Variants in RAB6B observed in about 807,000 individuals in gnomAD.
The protein encoded by RAB6B is RAB6B, member RAS oncogene family.
Under a neutral mutation model 31.2 loss-of-function variants are expected in RAB6B, and 7 were observed. That is an observed-to-expected ratio of 0.22 (90% CI 0.13 to 0.42). The LOEUF is 0.42. Among genes scored for constraint, RAB6B ranks in the 10% least tolerant of loss-of-function variants. The pLI is 1.00. For synonymous variants in RAB6B, 105 were observed against 104.9 expected, an observed-to-expected ratio of 1.00 and a Z score of -0.01; for missense variants, 149 against 280.6, an observed-to-expected ratio of 0.53 and a Z score of 3.35.
intron 2 of RAB6B, among the ~76,000 whole-genome samples, chr3:133,845,407 G>A (rs1395471668): frequency 6.6e-6 from 1 of 152,196 alleles, no homozygotes; most frequent in Non-Finnish European, 1.5e-5. Context: ...CACCACTGAG[G>A]ACACAGCATA....
intron 1 of RAB6B, among the ~76,000 whole-genome samples, chr3:133,868,072 C>G (rs1936261818): frequency 6.6e-6 from 1 of 152,152 alleles, no homozygotes; most frequent in South Asian, 2.1e-4. Context: ...TTAAAAGGAG[C>G]TCCTCTTGTC....
At chr3:133,890,713 A>G (rs934250816) in intron 1 of RAB6B, among the ~76,000 whole-genome samples, 1 of 152,148 alleles carries the variant, frequency 6.6e-6, no homozygotes. Context: ...TAATCTCATC[A>G]TTTTCAAATC....
chr3:133,885,416 G>C, intron 1 of RAB6B: 2 of 693,502 alleles, frequency 2.9e-6, no homozygotes, highest in Non-Finnish European at 5.3e-6. Flanking sequence ...ACACACTAAT[G>C]ATCAGAGGAC....
Position 133,849,296 on chromosome 3 carries a change from G to A in RAB6B, c.130-7633C>T, listed in dbSNP as rs566366341. ...CAATGATTCTCAATATGTAGCCCAC[G>A]AGTCATGTGCATCAGAATCACATCA... On this transcript the variant is annotated intron_variant, in intron 2 of 7. Coordinates refer to ENST00000285208, the MANE Select transcript of RAB6B (RefSeq NM_016577.4). Among the ~76,000 whole-genome samples, 6 of 152,276 alleles carry A rather than the reference G, an allele frequency of 3.9e-5. No individual in the cohort carries two copies. The South Asian group carries it at 1.0e-3, about 26-fold the overall frequency.
chr3:133,850,486 G>A (rs1935962275), intron 2 of RAB6B, among the ~76,000 whole-genome samples: 1 of 152,092 alleles, frequency 6.6e-6, no homozygotes, highest in Admixed American at 6.5e-5. Flanking sequence ...AATCTCAACA[G>A]AGAAACTAAA....
intron 1 of RAB6B, among the ~76,000 whole-genome samples, chr3:133,889,369 G>C (rs574369253): frequency 8.6e-6 from 1 of 116,228 alleles, no homozygotes; most frequent in Non-Finnish European, 1.8e-5. Context: ...AGGAACAAAA[G>C]GACAATAAGG....
Position 133,828,118 on chromosome 3 carries a change from C to T in RAB6B, c.*670G>A, listed in dbSNP as rs1306777755. ...GAGGTGGGAGCAGTTCCTCTGGGGG[C>T]TGCTGCCGGGCTGCCTAGAGCCCAC... is the stretch of plus-strand genomic sequence containing the variant. On this transcript the variant is annotated 3_prime_UTR_variant, in exon 8 of 8. Transcript: ENST00000285208. 3.2e-6 allele frequency: 2 copies of T among 634,676 alleles called. No individual in the cohort carries two copies. Among genetic ancestry groups the T allele is most frequent in the Non-Finnish European group, 5.7e-6 (2 of 349,656 alleles). The allele number at this position is 634,676 out of a possible 1,614,324, so 39.3% of individuals were successfully genotyped here. A position where few individuals can be genotyped will look rare whatever the true frequency, so the allele number is the denominator to read the frequency against.
At chr3:133,844,621 T>C (rs1056956320) in intron 2 of RAB6B, among the ~76,000 whole-genome samples, 1 of 152,266 alleles carries the variant, frequency 6.6e-6, no homozygotes, top group East Asian at 1.9e-4. Context: ...AAATAACAAT[T>C]TGCAAGCACT....
At chr3:133,838,053 G>T (rs1015433717) in intron 6 of RAB6B, 113 bp downstream of exon 6, 77 of 1,122,032 alleles carry the variant, frequency 6.9e-5, no homozygotes, top group Non-Finnish European at 9.3e-5. Context: ...CTGGTTGGCT[G>T]CCCCAATCCC....
At chr3:133,860,093 G>C (rs1312023133) in intron 2 of RAB6B, among the ~76,000 whole-genome samples, 1 of 152,228 alleles carries the variant, frequency 6.6e-6, no homozygotes, top group East Asian at 1.9e-4. Context: ...GAATAGGCCA[G>C]AAGGTCCAGT....
rs116648403 is a variant in RAB6B, at chr3:133,871,499, G to A, written c.71-6857C>T. Among the ~76,000 whole-genome samples the A allele has an allele frequency of 9.9e-3, 1,509 of 152,268 alleles. 18 individuals are homozygous for A. The highest frequency in any genetic ancestry group is 0.035 in the African/African-American group (1,451 of 41,546). Reference sequence around the variant, plus strand: ...CATTTCTCCACAGCTGCCACGTGACGCCAAATCCACCCACAGCTTTGGGGC... The same window carrying A: ...CATTTCTCCACAGCTGCCACGTGACACCAAATCCACCCACAGCTTTGGGGC... On this transcript the variant is annotated intron_variant, in intron 1 of 7. Transcript: ENST00000285208.
intron 1 of RAB6B, among the ~76,000 whole-genome samples, chr3:133,890,754 G>C (rs1402245179): frequency 6.6e-6 from 1 of 152,192 alleles, no homozygotes; most frequent in South Asian, 2.1e-4. Flanking sequence ...ACTACCTGCA[G>C]GTGGGGAGGG....
intron 7 of RAB6B, among the ~76,000 whole-genome samples, chr3:133,831,127 G>C (rs1365044211): frequency 1.3e-5 from 2 of 152,172 alleles, no homozygotes; most frequent in African/African-American, 4.8e-5. Context: ...CAATACTTTT[G>C]TACACTGCAC....
chr3:133,839,588 A>G lies in RAB6B; in HGVS notation c.319T>C (p.Trp107Arg). The G allele has an allele frequency of 6.2e-7, 1 of 1,614,144 alleles. No individual in the cohort carries two copies. The highest frequency in any genetic ancestry group is 8.5e-7 in the Non-Finnish European group (1 of 1,179,978). Residue 107 changes from tryptophan (W) to arginine (R), a missense_variant, in exon 5 of 8, where the codon TGG (tryptophan) becomes CGG (arginine). Transcript: ENST00000285208. ...NLNSFQQTSK[W>R]IDDVRTERGS... Reference sequence around the variant, plus strand: ...CTCTCTGTCCTGACGTCGTCGATCCACTTAGAGGTCTGTTGGAAGGAGTTG... The same window carrying G: ...CTCTCTGTCCTGACGTCGTCGATCCGCTTAGAGGTCTGTTGGAAGGAGTTG...
intron 7 of RAB6B, among the ~76,000 whole-genome samples, chr3:133,833,633 C>A (rs1935688825): frequency 6.6e-6 from 1 of 152,280 alleles, no homozygotes; most frequent in South Asian, 2.1e-4. Flanking sequence ...TCTCATCAGC[C>A]CAAAGGTGCC....
intron 1 of RAB6B, among the ~76,000 whole-genome samples, chr3:133,866,421 C>A (rs956611940): frequency 6.6e-6 from 1 of 152,070 alleles, no homozygotes; most frequent in Non-Finnish European, 1.5e-5. Flanking sequence ...CAGGATTCTG[C>A]CCTTGTTGGA....
In RAB6B at chr3:133,850,108, C is replaced by T. The variant is rs182256367; in HGVS notation, c.130-8445G>A. On this transcript the variant is annotated intron_variant, in intron 2 of 7. Transcript: ENST00000285208. Reference sequence around the variant, plus strand: ...AAATCTCTGACTGACCCAAGCAGACCCTAAGCAGCCTACCTAAGACTGAAA... The same window carrying T: ...AAATCTCTGACTGACCCAAGCAGACTCTAAGCAGCCTACCTAAGACTGAAA... Among the ~76,000 whole-genome samples the T allele has an allele frequency of 5.3e-5, 8 of 152,130 alleles. No individual in the cohort carries two copies. The East Asian group carries it at 1.5e-3, about 29-fold the overall frequency.
At chr3:133,884,856 C>T (rs555314834) in intron 1 of RAB6B, among the ~76,000 whole-genome samples, 6 of 135,124 alleles carry the variant, frequency 4.4e-5, no homozygotes, top group African/African-American at 1.4e-4. Context: ...GCTCACACAC[C>T]AATGATCAAA....
chr3:133,869,179 A>G (rs569413582), intron 1 of RAB6B, among the ~76,000 whole-genome samples: 9 of 152,274 alleles, frequency 5.9e-5, no homozygotes, highest in African/African-American at 1.9e-4. Context: ...GAGAGAAAAC[A>G]CTCGTGAGAA....
Sources: gnomAD v4.1 joint callset for allele counts (sites outside exome capture counted in the v4.1 genomes callset) on GRCh38, gnomAD v4.1.1 for gene constraint, MANE v1.5 for transcripts, NCBI Gene and HGNC (gene_info 2026-07-23, HGNC 2026-07-21) for gene names.